Variants in CERS1 observed in about 807,000 individuals in gnomAD.
The protein encoded by CERS1 is ceramide synthase 1.
CERS1 carries 16 observed loss-of-function variants against 35.7 expected under a neutral mutation model. The observed-to-expected ratio is 0.45, with a 90% CI of 0.30 to 0.68. The LOEUF is 0.68. Among genes scored for constraint, CERS1 ranks in the 30% least tolerant of loss-of-function variants. The pLI is 0.08. For missense variants in CERS1, 454 were observed against 453.9 expected (o/e 1.00, Z 0.00); for synonymous variants, 243 against 201.6 (o/e 1.21, Z -1.74).
At chr19:18,872,538 G>A (rs1174076488) in intron 6 of CERS1, among the ~76,000 whole-genome samples, 2 of 145,960 alleles carry the variant, frequency 1.4e-5, no homozygotes, top group Non-Finnish European at 3.0e-5. Context: ...TTTTTGAGAC[G>A]AAGTCTCGCT....
At chr19:18,884,348 G>T in intron 2 of CERS1, 81 bp from the exon 3 acceptor site, 1 of 1,339,788 alleles carries the variant, frequency 7.5e-7, no homozygotes, top group Non-Finnish European at 1.0e-6. Flanking sequence ...CACCCTCCAA[G>T]CCACACGTGT....
rs563619681 is a variant in CERS1, at chr19:18,878,881, G to A, written c.1010+49C>T. ...GGCCTGCCCACGAACACGCTTGGAC[G>A]GGTGACACTAAAGGAGGGAACGCGG... On this transcript the variant is annotated intron_variant, in intron 6 of 7. Transcript: ENST00000623882. The surrounding 1 kb of genome is among the most constrained non-coding windows in gnomAD (Gnocchi z 4.6). 58 of 1,599,702 alleles carry A rather than the reference G, an allele frequency of 3.6e-5. No homozygotes were observed. Among genetic ancestry groups the A allele is most frequent in the Admixed American group, 3.4e-4 (20 of 58,278 alleles).
rs1465088094 is a variant in CERS1 at position 18,870,792 on chromosome 19, C to T, written c.1011-173G>A. On this transcript the variant is annotated intron_variant, in intron 6 of 7. Coordinates refer to ENST00000623882, the MANE Select transcript of CERS1 (RefSeq NM_021267.5). This position sits in a 1 kb window ranked among gnomAD's most constrained non-coding sequence, Gnocchi z 5.1. ...TCACCCTGCCCCTCCTTGCCTTCAC[C>T]CTGCCCCTCCTTCAACCTGCCCCGT... Among the ~76,000 whole-genome samples, 1 of 152,136 alleles carries T rather than the reference C, an allele frequency of 6.6e-6. No individual in the cohort carries two copies. The highest frequency in any genetic ancestry group is 1.5e-5 in the Non-Finnish European group (1 of 67,986).
chr19:18,893,695 C>CCCCAT, intron 1 of CERS1, 120 bp from the exon 2 acceptor site: 1 of 1,004,472 alleles, frequency 1.0e-6, no homozygotes, highest in Non-Finnish European at 1.4e-6. Context: ...AAGGCCTGTC[C>CCCCAT]CCCATGCCCA....
At position 18,870,352 on chromosome 19, in the gene CERS1, G is replaced by T; in HGVS notation, c.*225C>A. Reference sequence around the variant, plus strand: ...CAGAGAGTGCGCAGGGTCCGCGGCGGCCCGGGACCAGTGGGCTGAGGGCGG... The same window carrying T: ...CAGAGAGTGCGCAGGGTCCGCGGCGTCCCGGGACCAGTGGGCTGAGGGCGG... On this transcript the variant is annotated 3_prime_UTR_variant, in exon 7 of 8. Transcript: ENST00000623882. The surrounding 1 kb of genome is among the most constrained non-coding windows in gnomAD (Gnocchi z 5.1). The T allele has an allele frequency of 6.5e-7, 1 of 1,541,000 alleles. No individual in the cohort carries two copies.
chr19:18,892,493 G>A (rs991799817), intron 2 of CERS1, among the ~76,000 whole-genome samples: 2 of 151,806 alleles, frequency 1.3e-5, no homozygotes, highest in African/African-American at 4.8e-5. Context: ...GGGCGCCTGT[G>A]GTCCCAGCTA....
Position 18,869,051 on chromosome 19 carries a change from C to CG in CERS1, c.*933dup. The CG allele has an allele frequency of 9.4e-7, 1 of 1,064,538 alleles. No individual in the cohort carries two copies. The highest frequency in any genetic ancestry group is 1.1e-6 in the Non-Finnish European group (1 of 882,036). The allele number at this position is 1,064,538 out of a possible 1,614,324, so 65.9% of individuals were successfully genotyped here. A position where few individuals can be genotyped will look rare whatever the true frequency, so the allele number is the denominator to read the frequency against. The stretch of plus-strand genomic sequence containing the variant: ...CAGGCGCGCGCAGGCGGCAGGGGCC[C>CG]GGGGGCGTAGCGCCAGCGCCAGGCG... On this transcript the variant is annotated 3_prime_UTR_variant, in exon 8 of 8. Transcript: ENST00000623882.
At chr19:18,877,740 G>C (rs2056085408) in intron 6 of CERS1, among the ~76,000 whole-genome samples, 1 of 137,772 alleles carries the variant, frequency 7.3e-6, no homozygotes, top group African/African-American at 2.8e-5. Flanking sequence ...CTGGACGACA[G>C]AGTGAGACCC....
chr19:18,878,193 GC>G lies in CERS1; in HGVS notation c.1010+736del. ...CTTCCAGGGCCTTCCACAACCTCCT[GC>G]CCCGGCTCCTGCTCAAACACTCCTC... On this transcript the variant is annotated intron_variant, in intron 6 of 7. Transcript: ENST00000623882. The surrounding 1 kb of genome is among the most constrained non-coding windows in gnomAD (Gnocchi z 4.6). 3.0e-6 allele frequency: 3 copies of G among 985,494 alleles called. No homozygotes were observed. Among genetic ancestry groups the G allele is most frequent in the Non-Finnish European group, 3.6e-6 (3 of 830,070 alleles). 61.0% of individuals were successfully genotyped at this position (985,494 alleles called of 1,614,324 possible).
chr19:18,877,378 A>T (rs970882408), intron 6 of CERS1, among the ~76,000 whole-genome samples: 1 of 152,148 alleles, frequency 6.6e-6, no homozygotes, highest in Non-Finnish European at 1.5e-5. Context: ...TGGTGTCTAG[A>T]TGTGGCCAAA....
At chr19:18,892,766 A>AG (rs1402620003) in intron 2 of CERS1, among the ~76,000 whole-genome samples, 1 of 152,056 alleles carries the variant, frequency 6.6e-6, no homozygotes, top group African/African-American at 2.4e-5. Context: ...GGACCCACAC[A>AG]GGGGTCCTTC....
rs148632632 is a variant in CERS1, at chr19:18,881,057, C to T, written c.591-622G>A. ...GTGACCTCTGACCCTCTATGACCCC[C>T]GACTCTCACAGGCCTGGGGTACTCT... On this transcript the variant is annotated intron_variant, in intron 3 of 7. Coordinates refer to ENST00000623882, the MANE Select transcript of CERS1 (RefSeq NM_021267.5). Among the ~76,000 whole-genome samples the T allele has an allele frequency of 2.6e-3, 389 of 152,066 alleles. 1 individual carries two copies. The highest frequency in any genetic ancestry group is 8.9e-3 in the African/African-American group (369 of 41,486).
At position 18,870,356 on chromosome 19, in the gene CERS1, G is replaced by A. The variant is rs1312188232; in HGVS notation, c.*221C>T. On this transcript the variant is annotated 3_prime_UTR_variant, in exon 7 of 8. Coordinates refer to ENST00000623882, the MANE Select transcript of CERS1 (RefSeq NM_021267.5). This position sits in a 1 kb window ranked among gnomAD's most constrained non-coding sequence, Gnocchi z 5.1. Reference sequence around the variant, plus strand: ...GAGTGCGCAGGGTCCGCGGCGGCCCGGGACCAGTGGGCTGAGGGCGGGGCC... The same window carrying A: ...GAGTGCGCAGGGTCCGCGGCGGCCCAGGACCAGTGGGCTGAGGGCGGGGCC... 1.3e-6 allele frequency: 2 copies of A among 1,539,606 alleles called. No individual in the cohort carries two copies. The highest frequency in any genetic ancestry group is 1.7e-6 in the Non-Finnish European group (2 of 1,144,632).
chr19:18,869,787 G>A (rs1230545291), intron 7 of CERS1, among the ~76,000 whole-genome samples, 196 bp downstream of exon 7: 11 of 152,126 alleles, frequency 7.2e-5, no homozygotes, highest in Non-Finnish European at 1.3e-4. Context: ...CTGGTCTTGG[G>A]AACCCCCTGA....
chr19:18,890,078 G>A (rs2056454513), intron 2 of CERS1, among the ~76,000 whole-genome samples: 2 of 152,120 alleles, frequency 1.3e-5, no homozygotes, highest in Admixed American at 6.5e-5. Context: ...TCTGCTCCCA[G>A]CCCACAGATA....
Sources: gnomAD v4.1 joint callset for allele counts (sites outside exome capture counted in the v4.1 genomes callset) on GRCh38, gnomAD v4.1.1 for gene constraint, Gnocchi (gnomAD v3.1) non-coding constraint, MANE v1.5 for transcripts, NCBI Gene and HGNC (gene_info 2026-07-23, HGNC 2026-07-21) for gene names.